Variants in OXTR observed in about 807,000 individuals in gnomAD.
OXTR encodes oxytocin receptor.
Under a neutral mutation model 23.9 loss-of-function variants are expected in OXTR, and 19 were observed. The ratio of observed to expected loss-of-function variants is 0.80; its 90% CI spans 0.56 to 1.17. OXTR has a LOEUF of 1.17. Ranked by LOEUF, OXTR falls within the 50% of genes most tolerant of loss-of-function variation. OXTR has a pLI of 0.00. For missense variants in OXTR, 500 were observed against 550.7 expected, an observed-to-expected ratio of 0.91 and a Z score of 0.92; for synonymous variants, 278 against 250.5, an observed-to-expected ratio of 1.11 and a Z score of -1.04.
At chr3:8,763,592 G>A (rs1358991928) in intron 3 of OXTR, among the ~76,000 whole-genome samples, 2 of 152,166 alleles carry the variant, frequency 1.3e-5, no homozygotes, top group Non-Finnish European at 2.9e-5. Context: ...TGGGTTCAAG[G>A]GAAAAGGCTG....
rs201595646 is a variant in OXTR, at chr3:8,752,666, G to T, written c.*311C>A. ...ACCGCTTTTCACAATATCCCAGAAT[G>T]AAGAAGTAAAAATATACTGGAGTGA... On this transcript the variant is annotated 3_prime_UTR_variant, in exon 4 of 4. Transcript: ENST00000316793. The T allele has an allele frequency of 1.9e-4, 59 of 314,592 alleles. No individual in the cohort carries two copies. Among genetic ancestry groups the T allele is most frequent in the Non-Finnish European group, 2.4e-4 (41 of 169,626 alleles). The allele number at this position is 314,592 out of a possible 1,614,324, so 19.5% of individuals were successfully genotyped here.
downstream of OXTR, among the ~76,000 whole-genome samples, chr3:8,749,647 C>T (rs1239261051): frequency 6.6e-6 from 1 of 152,214 alleles, no homozygotes; most frequent in East Asian, 1.9e-4. Context: ...GGTGTTGACC[C>T]TCTTCGTGCA....
At chr3:8,744,924 A>C in the OXTR span, 13,687 of 153,206 alleles carry the variant, frequency 0.089, 812 homozygotes, top group Non-Finnish European at 0.14. Flanking sequence ...CTCAACAGGG[A>C]GCTTGTTAGA....
At chr3:8,746,799 T>TCTCTCACACACACACACA (rs1226912382), downstream of OXTR, 24 of 147,084 alleles carry the variant, frequency 1.6e-4, no homozygotes, top group African/African-American at 6.0e-4. Context: ...TCTCTCTCTC[T>TCTCTCACACACACACACA]CACACACACA....
Position 8,769,580 on chromosome 3 carries a change from C to T in OXTR, c.-588G>A, listed in dbSNP as rs1409457287. ...CCGCGCAGACCCCTCCGGAGCGGAG[C>T]TGGTTCGCCCAGCGTTGGTCCCAGA... On this transcript the variant is annotated 5_prime_UTR_variant, in exon 1 of 4. Transcript: ENST00000316793. 1 of 152,300 alleles carries T rather than the reference C, an allele frequency of 6.6e-6. No individual in the cohort carries two copies. Among genetic ancestry groups the T allele is most frequent in the African/African-American group, 2.4e-5 (1 of 41,474 alleles). The allele number at this position is 152,300 out of a possible 1,614,324, so 9.4% of individuals were successfully genotyped here.
chr3:8,746,650 A>G (rs7629329), downstream of OXTR: 46,382 of 152,020 alleles, frequency 0.31, 7,548 homozygotes, highest in Admixed American at 0.39. Context: ...AATGCCCAGT[A>G]CTGCCATTTG....
rs924839629 is a variant in OXTR at position 8,762,577 on chromosome 3, TCCA to T, written c.922+4686_922+4688del. Among the ~76,000 whole-genome samples the T allele has an allele frequency of 8.5e-5, 13 of 152,156 alleles. No homozygotes were observed. In the South Asian group the frequency reaches 1.2e-3, roughly 15 times the overall value. On this transcript the variant is annotated intron_variant, in intron 3 of 3. Coordinates refer to ENST00000316793, the MANE Select transcript of OXTR (RefSeq NM_000916.4). ...CTTCTCCTGCCGGCCCACCATGCTCTCCACATCACTGGGTCACCTCAAGAAAAA... is the reference window on the plus strand; with the variant it reads ...CTTCTCCTGCCGGCCCACCATGCTCTCATCACTGGGTCACCTCAAGAAAAA...
chr3:8,745,118 A>T, the OXTR span: 22 of 215,100 alleles, frequency 1.0e-4, 1 homozygote, highest in Middle Eastern at 2.0e-3. The surrounding 1 kb of genome is among the most constrained non-coding windows in gnomAD (Gnocchi z 4.8). Flanking sequence ...TGCTGTCCTC[A>T]CAATAGTGGG....
Position 8,750,591 on chromosome 3 carries a change from A to G in OXTR, c.*2386T>C, listed in dbSNP as rs1219473891. On this transcript the variant is annotated 3_prime_UTR_variant, in exon 4 of 4. Coordinates refer to ENST00000316793, the MANE Select transcript of OXTR (RefSeq NM_000916.4). ...ACGCTAATCTATATTCACTCTATAT[A>G]GATTCGTCCATTTTAGACATTGCAT... 6.6e-6 allele frequency: 1 copy of G among 152,212 alleles called. No individual in the cohort carries two copies. Among genetic ancestry groups the G allele is most frequent in the Non-Finnish European group, 1.5e-5 (1 of 68,032 alleles). The allele number at this position is 152,212 out of a possible 1,614,324, so 9.4% of individuals were successfully genotyped here. A position where few individuals can be genotyped will look rare whatever the true frequency, so the allele number is the denominator to read the frequency against.
chr3:8,745,622 T>C (rs750746588), downstream of OXTR: 2 of 1,614,132 alleles, frequency 1.2e-6, no homozygotes, highest in Admixed American at 1.7e-5. This position sits in a 1 kb window ranked among gnomAD's most constrained non-coding sequence, Gnocchi z 4.8. Flanking sequence ...CTCCAAGTAC[T>C]GGTGCTACCG....
rs1193465510 is a variant in OXTR, at chr3:8,752,875, G to A, written c.*102C>T. The A allele has an allele frequency of 3.1e-6, 4 of 1,289,220 alleles. No individual in the cohort carries two copies. The highest frequency in any genetic ancestry group is 4.2e-6 in the Non-Finnish European group (4 of 959,242). The allele number at this position is 1,289,220 out of a possible 1,614,324, so 79.9% of individuals were successfully genotyped here. A position where few individuals can be genotyped will look rare whatever the true frequency, so the allele number is the denominator to read the frequency against. ...CCCAAGGAGGGGAGGGATACAAACT[G>A]ATAGGTACCTTATACACAAACATAC... On this transcript the variant is annotated 3_prime_UTR_variant, in exon 4 of 4. Coordinates refer to ENST00000316793, the MANE Select transcript of OXTR (RefSeq NM_000916.4).
At chr3:8,745,651 G>T, downstream of OXTR, 4 of 1,614,098 alleles carry the variant, frequency 2.5e-6, no homozygotes, top group Non-Finnish European at 3.4e-6. This position sits in a 1 kb window ranked among gnomAD's most constrained non-coding sequence, Gnocchi z 4.8. Flanking sequence ...CCACGCTGCT[G>T]GGCGTCCCAC....
chr3:8,747,687 G>A (rs1033162859), downstream of OXTR, among the ~76,000 whole-genome samples: 21 of 152,222 alleles, frequency 1.4e-4, no homozygotes, highest in African/African-American at 7.2e-5. Flanking sequence ...CCACATTGTC[G>A]GGGGGCTCAG....
the OXTR span, among the ~76,000 whole-genome samples, chr3:8,742,065 T>C: frequency 6.6e-6 from 1 of 152,222 alleles, no homozygotes; most frequent in African/African-American, 2.4e-5. Flanking sequence ...TCCTCTCTTC[T>C]GGAAAGGAAT....
At chr3:8,764,728 C>A (rs1051083653) in intron 3 of OXTR, among the ~76,000 whole-genome samples, 1 of 152,208 alleles carries the variant, frequency 6.6e-6, no homozygotes, top group Non-Finnish European at 1.5e-5. Context: ...GAGTCCACGT[C>A]ATCACCTCTG....
chr3:8,764,602 A>G (rs1444262456), intron 3 of OXTR, among the ~76,000 whole-genome samples: 1 of 152,126 alleles, frequency 6.6e-6, no homozygotes, highest in African/African-American at 2.4e-5. Flanking sequence ...GCCAGTTGCA[A>G]TTATCCAAAT....
In OXTR at chr3:8,768,108, C is replaced by G. The variant is rs370955626; in HGVS notation, c.80G>C (p.Arg27Pro). 6.4e-5 allele frequency: 90 copies of G among 1,398,552 alleles called. 1 individual carries two copies. The East Asian group carries it at 7.0e-4, about 11-fold the overall frequency. 86.6% of individuals were successfully genotyped at this position (1,398,552 alleles called of 1,614,324 possible). ...GTTGCGCCGCGGGGGTCCGGCGGTG[C>G]GGTTGCCCTCGGCCCCCGGCGGCGC... Reference protein sequence around the residue: ...SAAPPGAEGNRTAGPPRRNEA... With the variant: ...SAAPPGAEGNPTAGPPRRNEA... Residue 27 changes from arginine (R) to proline (P), a missense_variant, in exon 3 of 4, where the codon CGC (arginine) becomes CCC (proline). Transcript: ENST00000316793. This position sits in a 1 kb window ranked among gnomAD's most constrained non-coding sequence, Gnocchi z 5.4.
In OXTR at chr3:8,751,010, T is replaced by C. The variant is rs1708246484; in HGVS notation, c.*1967A>G. 6.6e-6 allele frequency: 1 copy of C among 152,204 alleles called. No individual in the cohort carries two copies. Among genetic ancestry groups the C allele is most frequent in the South Asian group, 2.1e-4 (1 of 4,826 alleles). The allele number at this position is 152,204 out of a possible 1,614,324, so 9.4% of individuals were successfully genotyped here. On this transcript the variant is annotated 3_prime_UTR_variant, in exon 4 of 4. Transcript: ENST00000316793. ...TACATTCCCACCAACAATTTAAATT[T>C]CTACCAGTTTCTCTACATCCTCACC...
chr3:8,757,048 G>A (rs1199496577), intron 3 of OXTR, among the ~76,000 whole-genome samples: 1 of 152,178 alleles, frequency 6.6e-6, no homozygotes, highest in East Asian at 1.9e-4. Flanking sequence ...GAGGCAGGGA[G>A]GAGAACCCAG....
Sources: allele counts gnomAD v4.1 joint callset (sites outside exome capture counted in the v4.1 genomes callset), GRCh38; gene constraint gnomAD v4.1.1; non-coding constraint Gnocchi (gnomAD v3.1); transcripts MANE v1.5; gene names NCBI Gene and HGNC (gene_info 2026-07-23, HGNC 2026-07-21).